The following CRPPA variants were observed in gnomAD, a reference collection of about 807,000 sequenced individuals.
CRPPA encodes the protein D-ribitol-5-phosphate cytidylyltransferase.
Under a neutral mutation model 52.0 loss-of-function variants are expected in CRPPA, and 43 were observed. That is an observed-to-expected ratio of 0.83 (90% CI 0.65 to 1.07). CRPPA has a LOEUF of 1.07. Among genes scored for constraint, CRPPA ranks in the 50% least tolerant of loss-of-function variants. CRPPA has a pLI of 0.00. For synonymous variants in CRPPA, 250 were observed against 203.5 expected, an observed-to-expected ratio of 1.23 and a Z score of -1.94; for missense variants, 629 against 551.7, an observed-to-expected ratio of 1.14 and a Z score of -1.40.
chr7:16,416,310 A>G (rs923107544), intron 1 of CRPPA, among the ~76,000 whole-genome samples: 16 of 152,210 alleles, frequency 1.1e-4, no homozygotes, highest in African/African-American at 3.4e-4. Context: ...ATAGCTGGCT[A>G]GCCATATCCA....
Position 16,375,009 on chromosome 7 carries a change from C to G in CRPPA, c.684+1083G>C, listed in dbSNP as rs141225101. Among the ~76,000 whole-genome samples, 13 of 152,256 alleles carry G rather than the reference C, an allele frequency of 8.5e-5. No homozygotes were observed. The East Asian group carries it at 2.5e-3, about 29-fold the overall frequency. Reference sequence around the variant, plus strand: ...AAATGTTGATGTACAGTTCTCAGTCCTCACTTTTTAGAAATCCTAGGCAAC... The same window carrying G: ...AAATGTTGATGTACAGTTCTCAGTCGTCACTTTTTAGAAATCCTAGGCAAC... On this transcript the variant is annotated intron_variant, in intron 3 of 9. Coordinates refer to ENST00000407010, the MANE Select transcript of CRPPA (RefSeq NM_001101426.4).
intron 9 of CRPPA, among the ~76,000 whole-genome samples, chr7:16,197,339 T>A (rs1418107950): frequency 1.3e-5 from 2 of 152,082 alleles, no homozygotes; most frequent in African/African-American, 4.8e-5. Flanking sequence ...ATCAGTAAAT[T>A]TTTTTCTTCT....
At chr7:16,242,261 A>G (rs927189459) in intron 8 of CRPPA, among the ~76,000 whole-genome samples, 1 of 151,832 alleles carries the variant, frequency 6.6e-6, no homozygotes, top group Non-Finnish European at 1.5e-5. Context: ...GCCAAATCTA[A>G]TCTTTTTAAA....
At chr7:16,303,410 G>C (rs955956010) in intron 4 of CRPPA, among the ~76,000 whole-genome samples, 1 of 143,618 alleles carries the variant, frequency 7.0e-6, no homozygotes, top group Non-Finnish European at 1.5e-5. Context: ...GTAATAATAC[G>C]GTGGGAATTT....
At chr7:16,404,742 C>G (rs2128318211) in intron 2 of CRPPA, among the ~76,000 whole-genome samples, 1 of 152,240 alleles carries the variant, frequency 6.6e-6, no homozygotes, top group Middle Eastern at 3.4e-3. Flanking sequence ...AGTTGTAAAT[C>G]CTCTGCTTCT....
chr7:16,399,704 C>G (rs1487425840), intron 2 of CRPPA, among the ~76,000 whole-genome samples: 2 of 151,890 alleles, frequency 1.3e-5, no homozygotes, highest in Non-Finnish European at 2.9e-5. Context: ...CAACACGTGA[C>G]CAACATGACT....
At chr7:16,252,228 G>T (rs1267553390) in intron 8 of CRPPA, among the ~76,000 whole-genome samples, 6 of 151,592 alleles carry the variant, frequency 4.0e-5, no homozygotes, top group Non-Finnish European at 2.9e-5. Context: ...TTCATCCCTG[G>T]GATGCAAGGC....
At chr7:16,326,645 A>G (rs1785398288) in intron 3 of CRPPA, among the ~76,000 whole-genome samples, 1 of 152,224 alleles carries the variant, frequency 6.6e-6, no homozygotes, top group Admixed American at 6.5e-5. Context: ...TCTGAAGTTA[A>G]AGAGATTCAG....
At chr7:16,383,113 C>A (rs1787157041) in intron 2 of CRPPA, among the ~76,000 whole-genome samples, 1 of 152,158 alleles carries the variant, frequency 6.6e-6, no homozygotes, top group Admixed American at 6.5e-5. Flanking sequence ...TTTTCCCCAT[C>A]TTTGTGGTTT....
intron 9 of CRPPA, among the ~76,000 whole-genome samples, chr7:16,115,894 A>C (rs566705669): frequency 6.6e-6 from 1 of 152,330 alleles, no homozygotes; most frequent in South Asian, 2.1e-4. Context: ...GAAAAAGAGC[A>C]GAAAGACATA....
At chr7:16,190,445 G>GT (rs1554285890) in intron 9 of CRPPA, among the ~76,000 whole-genome samples, 2 of 152,080 alleles carry the variant, frequency 1.3e-5, no homozygotes, top group Non-Finnish European at 2.9e-5. Flanking sequence ...TAACTATAAC[G>GT]TAACAATACG....
intron 9 of CRPPA, among the ~76,000 whole-genome samples, chr7:16,099,264 G>A (rs79391915): frequency 0.034 from 5,112 of 149,928 alleles, 258 homozygotes; most frequent in East Asian, 0.26. Context: ...TTAAAAAGAG[G>A]AGAGGGAGAG....
chr7:16,374,186 T>C (rs74573550), intron 3 of CRPPA, among the ~76,000 whole-genome samples: 1,966 of 152,146 alleles, frequency 0.013, 27 homozygotes, highest in Non-Finnish European at 0.02. Flanking sequence ...GACAATTCAA[T>C]TGGTTGCCAG....
intron 2 of CRPPA, among the ~76,000 whole-genome samples, chr7:16,399,219 C>G (rs1451199500): frequency 2.0e-5 from 3 of 152,178 alleles, no homozygotes; most frequent in African/African-American, 2.4e-5. Context: ...ATTTGTGACA[C>G]TAGACACGTG....
In CRPPA at chr7:16,124,869, A is replaced by G. The variant is rs886581221; in HGVS notation, c.1252-33070T>C. 9.6e-4 allele frequency among the ~76,000 whole-genome samples: 144 copies of G among 149,612 alleles called. 1 individual carries two copies. The highest frequency in any genetic ancestry group is 3.4e-3 in the African/African-American group (136 of 40,040). ...ATGTCAATTAAAATAATTTTAAAAT[A>G]AAAAAATATATATAATCTCCTATTT... On this transcript the variant is annotated intron_variant, in intron 9 of 9. Coordinates refer to ENST00000407010, the MANE Select transcript of CRPPA (RefSeq NM_001101426.4).
intron 3 of CRPPA, among the ~76,000 whole-genome samples, chr7:16,368,487 T>G (rs1351917756): frequency 3.9e-5 from 6 of 152,230 alleles, no homozygotes; most frequent in Admixed American, 2.0e-4. Context: ...CAATAGATTT[T>G]GACTTTTAAA....
chr7:16,112,623 T>C (rs554534104), intron 9 of CRPPA, among the ~76,000 whole-genome samples: 3 of 152,298 alleles, frequency 2.0e-5, no homozygotes, highest in South Asian at 4.1e-4. Flanking sequence ...CTAAGACTCC[T>C]GGCTGTCAGA....
chr7:16,305,424 C>G (rs1015772222), intron 4 of CRPPA, among the ~76,000 whole-genome samples: 12 of 152,234 alleles, frequency 7.9e-5, no homozygotes, highest in African/African-American at 2.9e-4. Context: ...TTATTCAAAT[C>G]TCATTCATAA....
At chr7:16,327,269 T>C (rs1785421088) in intron 3 of CRPPA, among the ~76,000 whole-genome samples, 1 of 152,038 alleles carries the variant, frequency 6.6e-6, no homozygotes, top group African/African-American at 2.4e-5. Flanking sequence ...TCACCCTTTG[T>C]TCAACATGCA....
Sources: gnomAD v4.1 joint callset for allele counts (sites outside exome capture counted in the v4.1 genomes callset) on GRCh38, gnomAD v4.1.1 for gene constraint, MANE v1.5 for transcripts, NCBI Gene and HGNC (gene_info 2026-07-23, HGNC 2026-07-21) for gene names.